Variants in TUBGCP2 observed in about 807,000 individuals in gnomAD.
TUBGCP2 encodes gamma-tubulin complex component 2.
TUBGCP2 carries 55 observed loss-of-function variants against 92.2 expected under a neutral mutation model. That is an observed-to-expected ratio of 0.60 (90% CI 0.48 to 0.75). TUBGCP2 has a LOEUF of 0.75. Ranked by LOEUF, TUBGCP2 falls within the 30% of genes least tolerant of loss-of-function variation. TUBGCP2 has a pLI of 0.00. For missense variants in TUBGCP2, 1,093 were observed against 1,188.9 expected, an observed-to-expected ratio of 0.92 and a Z score of 1.19; for synonymous variants, 533 against 505.2, an observed-to-expected ratio of 1.06 and a Z score of -0.74.
intron 2 of TUBGCP2, chr10:133,300,385 G>A: frequency 3.4e-6 from 1 of 291,378 alleles, no homozygotes; most frequent in Non-Finnish European, 6.5e-6. Context: ...AGACCAGCCT[G>A]GCCAAAATAA....
chr10:133,309,287 G>C (rs1038894988), upstream of TUBGCP2: 40 of 1,435,704 alleles, frequency 2.8e-5, no homozygotes, highest in Non-Finnish European at 3.4e-5. Flanking sequence ...TGTGGGGCGG[G>C]ACCGGAGCGC....
At chr10:133,282,188 G>A in intron 16 of TUBGCP2, 35 bp downstream of exon 16, 12 of 1,610,606 alleles carry the variant, frequency 7.5e-6, no homozygotes, top group South Asian at 1.1e-5. Flanking sequence ...CCGGGAGGAA[G>A]CGTCTCTCTC....
chr10:133,299,487 C>T lies in TUBGCP2; in HGVS notation c.396G>A (p.Gln132=). 1 of 1,612,994 alleles carries T rather than the reference C, an allele frequency of 6.2e-7. No homozygotes were observed. The highest frequency in any genetic ancestry group is 8.5e-7 in the Non-Finnish European group (1 of 1,179,964). ...GCTGCTTCCTCAGTTCCTCAAGCTC[C>T]TGCATGGAGATCTTGGAGGCCGCGG... The part of the protein sequence containing the change: ...VPAAASKISM[Q]ELEELRKQLG... The change falls in exon 4 of 18, where the codon CAG becomes CAA. Residue 132 remains glutamine (Q), a synonymous_variant. Transcript: ENST00000252936.
intron 8 of TUBGCP2, among the ~76,000 whole-genome samples, chr10:133,292,208 A>G (rs781568958): frequency 0.46 from 23 of 50 alleles, 10 homozygotes; most frequent in Non-Finnish European, 0.5. Flanking sequence ...CGTGTCCCCC[A>G]TGTCCCCGTG....
chr10:133,310,212 G>A (rs199668244), upstream of TUBGCP2: 255 of 1,613,958 alleles, frequency 1.6e-4, no homozygotes, highest in Admixed American at 4.2e-4. Context: ...GACCAGCAGA[G>A]ACCGGAAGGA....
intron 8 of TUBGCP2, among the ~76,000 whole-genome samples, chr10:133,291,281 G>A (rs71484068): frequency 8.9e-4 from 63 of 70,796 alleles, no homozygotes; most frequent in South Asian, 5.1e-3. Flanking sequence ...ATGTCCCTCC[G>A]TGTCCCTGTG....
At position 133,279,847 on chromosome 10, in the gene TUBGCP2, CCT is replaced by C; in HGVS notation, c.2626_2627del (p.Arg876GlufsTer68). ...TERLERLSAE[R>X]SQKATPQVPV... The stretch of plus-strand genomic sequence containing the variant: ...GCACTTGGGGGGTGGCCTTCTGGCT[CCT>C]CTCTGCAGACAGGCGCTCCAGGCGC... On this transcript the variant is annotated frameshift_variant, in exon 18 of 18. Coordinates refer to ENST00000252936, the MANE Select transcript of TUBGCP2 (RefSeq NM_006659.4). LOFTEE classifies it low-confidence loss of function (END_TRUNC). 6.2e-7 allele frequency: 1 copy of C among 1,603,314 alleles called. No individual in the cohort carries two copies. The highest frequency in any genetic ancestry group is 8.5e-7 in the Non-Finnish European group (1 of 1,175,970).
intron 14 of TUBGCP2, 110 bp from the exon 15 acceptor site, chr10:133,283,331 C>A (rs1847038271): frequency 6.8e-7 from 1 of 1,477,078 alleles, no homozygotes; most frequent in Non-Finnish European, 9.2e-7. Context: ...CGCACTTCTA[C>A]CTCTTAAATG....
chr10:133,286,012 T>C (rs1206596959), intron 11 of TUBGCP2, among the ~76,000 whole-genome samples: 3 of 152,098 alleles, frequency 2.0e-5, no homozygotes, highest in South Asian at 2.1e-4. Flanking sequence ...ATAATAGTTA[T>C]TATAAGCAAG....
chr10:133,290,363 T>G, intron 8 of TUBGCP2: 1 of 180,338 alleles, frequency 5.5e-6, no homozygotes, highest in South Asian at 1.2e-4. Flanking sequence ...CGTGGTGGTG[T>G]GCACCTGTAG....
In TUBGCP2 at chr10:133,308,091, C is replaced by A. The variant is rs1847870751; in HGVS notation, c.-40+732G>T. On this transcript the variant is annotated intron_variant, in intron 1 of 17. Transcript: ENST00000252936. ...TATGATCGCACCATTGCACTCCAGC[C>A]TGGGTGACAGACGAGAAAGCTAAAG... Among the ~76,000 whole-genome samples the A allele has an allele frequency of 2.6e-5, 4 of 152,226 alleles. 1 individual carries two copies. In the South Asian group the frequency reaches 8.3e-4, roughly 32 times the overall value.
chr10:133,309,143 C>A, upstream of TUBGCP2: 1 of 1,388,422 alleles, frequency 7.2e-7, no homozygotes, highest in Non-Finnish European at 9.4e-7. Context: ...TCCAGTGGGG[C>A]CTACGGCGGC....
At chr10:133,312,311 C>A (rs1848010974), upstream of TUBGCP2, 1 of 1,199,986 alleles carries the variant, frequency 8.3e-7, no homozygotes, top group Non-Finnish European at 1.0e-6. Flanking sequence ...CCTGTGCCGT[C>A]TGCCTTTCTA....
At chr10:133,281,468 C>A (rs200298469) in intron 16 of TUBGCP2, 32 bp from the exon 17 acceptor site, 2 of 1,602,084 alleles carry the variant, frequency 1.2e-6, no homozygotes, top group Non-Finnish European at 1.7e-6. Context: ...GTGAGCCATG[C>A]CCACCCCCAC....
At chr10:133,281,992 ATC>A (rs1482175474) in intron 16 of TUBGCP2, among the ~76,000 whole-genome samples, 1 of 152,240 alleles carries the variant, frequency 6.6e-6, no homozygotes, top group Non-Finnish European at 1.5e-5. Context: ...CGCTCTGAAG[ATC>A]TGTGGGGGTT....
chr10:133,302,847 A>G lies in TUBGCP2; in HGVS notation c.95T>C (p.Leu32Pro). ...GACGTACGGGGTCCTGTTCTTTTGAAGCAGGTCAATGTAGACCTCAGCCCC... is the reference window on the plus strand; with the variant it reads ...GACGTACGGGGTCCTGTTCTTTTGAGGCAGGTCAATGTAGACCTCAGCCCC... ...GDGAEVYIDLLQKNRTPYVTT... is the reference protein window; with the variant it reads ...GDGAEVYIDLPQKNRTPYVTT... Residue 32 changes from leucine to proline, a missense_variant, in exon 2 of 18, where the codon CTT (leucine) becomes CCT (proline). By Grantham distance (98) the Leu-to-Pro change is moderately conservative (BLOSUM62 -3). Transcript: ENST00000252936. 6.2e-7 allele frequency: 1 copy of G among 1,613,784 alleles called. No homozygotes were observed. The highest frequency in any genetic ancestry group is 8.5e-7 in the Non-Finnish European group (1 of 1,180,004).
intron 11 of TUBGCP2, among the ~76,000 whole-genome samples, chr10:133,287,580 A>G (rs895974206): frequency 6.6e-6 from 1 of 151,988 alleles, no homozygotes; most frequent in Non-Finnish European, 1.5e-5. Context: ...CATCTCTACT[A>G]AAAATACAAA....
rs771427721 is a variant in TUBGCP2 at position 133,288,878 on chromosome 10, G to A, written c.1503C>T (p.Asp501=). The A allele has an allele frequency of 1.2e-6, 2 of 1,613,692 alleles. No homozygotes were observed. The highest frequency in any genetic ancestry group is 1.7e-6 in the Non-Finnish European group (2 of 1,179,814). The change falls in exon 10 of 18, where the codon GAC becomes GAT. Residue 501 remains aspartate, a synonymous_variant. Transcript: ENST00000252936. Reference sequence around the variant, plus strand: ...CCAGCTCCTTCTCCTCCATCAGGAAGTCCAGCAGCACCTTGCTGGCGTAGT... The same window carrying A: ...CCAGCTCCTTCTCCTCCATCAGGAAATCCAGCAGCACCTTGCTGGCGTAGT... ...AFNYASKVLL[D]FLMEEKELVA...
At chr10:133,302,629 C>T in intron 2 of TUBGCP2, 163 bp downstream of exon 2, 3 of 839,304 alleles carry the variant, frequency 3.6e-6, no homozygotes, top group Non-Finnish European at 5.5e-6. Flanking sequence ...CAGGGGTGGG[C>T]TCACCCTGCA....
Sources: gnomAD v4.1 joint callset for allele counts (sites outside exome capture counted in the v4.1 genomes callset) on GRCh38, gnomAD v4.1.1 for gene constraint, MANE v1.5 for transcripts, NCBI Gene and HGNC (gene_info 2026-07-23, HGNC 2026-07-21) for gene names.